NAALADL2: variants seen among roughly 807,000 people sequenced by gnomAD.
The protein encoded by NAALADL2 is N-acetylated alpha-linked acidic dipeptidase like 2.
A neutral mutation model predicts 87.2 loss-of-function variants in NAALADL2; 76 were observed. The ratio of observed to expected loss-of-function variants is 0.87; its 90% CI spans 0.72 to 1.05. The LOEUF is 1.05. NAALADL2 is among the 50% of genes least tolerant of loss of function. The pLI, the probability that NAALADL2 is intolerant of heterozygous loss-of-function variation, is 0.00. For missense variants in NAALADL2, 1,089 were observed against 945.8 expected, an observed-to-expected ratio of 1.15 and a Z score of -1.99; for synonymous variants, 354 against 331.0, an observed-to-expected ratio of 1.07 and a Z score of -0.75.
intron 2 of NAALADL2, among the ~76,000 whole-genome samples, chr3:174,715,375 A>G (rs1731085295): frequency 6.6e-6 from 1 of 152,192 alleles, no homozygotes; most frequent in Admixed American, 6.5e-5. Flanking sequence ...ATGTTTTACC[A>G]GACAGATTAA....
At chr3:174,676,638 T>A (rs559886800) in intron 2 of NAALADL2, among the ~76,000 whole-genome samples, 2 of 152,030 alleles carry the variant, frequency 1.3e-5, no homozygotes, top group Non-Finnish European at 2.9e-5. Flanking sequence ...TAGAATAGAT[T>A]TATGTGAGAC....
chr3:174,672,196 T>G (rs1726616993), intron 2 of NAALADL2, among the ~76,000 whole-genome samples: 1 of 152,076 alleles, frequency 6.6e-6, no homozygotes, highest in African/African-American at 2.4e-5. Flanking sequence ...TTTCCCACAT[T>G]GGGACAATAG....
intron 3 of NAALADL2, among the ~76,000 whole-genome samples, chr3:174,801,168 T>C (rs1040734401): frequency 2.6e-5 from 4 of 152,162 alleles, no homozygotes; most frequent in African/African-American, 4.8e-5. Context: ...TGGGAGGTGC[T>C]GGGGCAGAAT....
chr3:175,347,229 G>A (rs111565106), intron 5 of NAALADL2, among the ~76,000 whole-genome samples: 3 of 152,136 alleles, frequency 2.0e-5, no homozygotes, highest in Non-Finnish European at 4.4e-5. Flanking sequence ...GTCAAGTGGT[G>A]AATTCAGCCA....
chr3:175,026,100 T>C (rs961819899), intron 1 of NAALADL2, among the ~76,000 whole-genome samples: 1 of 152,126 alleles, frequency 6.6e-6, no homozygotes, highest in Admixed American at 6.6e-5. Context: ...CATAAGCCAC[T>C]GTACCTGGCT....
chr3:175,173,415 T>G lies in NAALADL2; in HGVS notation c.546-60516T>G, dbSNP rs186464822. On this transcript the variant is annotated intron_variant, in intron 2 of 13. Coordinates refer to ENST00000454872, the MANE Select transcript of NAALADL2 (RefSeq NM_207015.3). ...TACTCAGGAGGCTGAAGTGGGAGAA[T>G]TGCTTGAGTCTGGGAGGCAGGGGTT... Among the ~76,000 whole-genome samples, 295 of 152,228 alleles carry G rather than the reference T, an allele frequency of 1.9e-3. 1 individual carries two copies. Among genetic ancestry groups the G allele is most frequent in the African/African-American group, 6.8e-3 (283 of 41,556 alleles).
intron 1 of NAALADL2, among the ~76,000 whole-genome samples, chr3:175,085,592 C>A (rs1718724495): frequency 6.6e-6 from 1 of 151,978 alleles, no homozygotes; most frequent in Admixed American, 6.6e-5. Flanking sequence ...AGAGAGAAGA[C>A]AACGGATACA....
At chr3:175,452,952 A>G (rs1721800233) in intron 6 of NAALADL2, among the ~76,000 whole-genome samples, 1 of 152,182 alleles carries the variant, frequency 6.6e-6, no homozygotes, top group Non-Finnish European at 1.5e-5. Context: ...ACATTCACCC[A>G]GAACTTCTCA....
At chr3:175,280,145 AAAGAT>A (rs1754105140) in intron 4 of NAALADL2, among the ~76,000 whole-genome samples, 1 of 152,000 alleles carries the variant, frequency 6.6e-6, no homozygotes, top group Non-Finnish European at 1.5e-5. Flanking sequence ...CTGGAACTGA[AAAGAT>A]AAGGAATTTC....
intron 1 of NAALADL2, among the ~76,000 whole-genome samples, chr3:174,977,455 C>T (rs746938581): frequency 6.6e-6 from 1 of 152,124 alleles, no homozygotes; most frequent in Non-Finnish European, 1.5e-5. Context: ...AGTGACTTCA[C>T]CTTTTTCTGC....
intron 5 of NAALADL2, among the ~76,000 whole-genome samples, chr3:175,386,064 T>G (rs891551054): frequency 1.3e-5 from 2 of 152,046 alleles, no homozygotes; most frequent in Admixed American, 1.3e-4. Flanking sequence ...AAGTTACTCT[T>G]TCTTGGTTGA....
chr3:175,082,158 AC>A (rs1177772755), intron 1 of NAALADL2, among the ~76,000 whole-genome samples: 1 of 152,110 alleles, frequency 6.6e-6, no homozygotes, highest in Non-Finnish European at 1.5e-5. Context: ...GGGGATTCAT[AC>A]CCATTTCTGT....
intron 5 of NAALADL2, among the ~76,000 whole-genome samples, chr3:175,366,773 G>A (rs1185333362): frequency 6.6e-6 from 1 of 151,040 alleles, no homozygotes; most frequent in Non-Finnish European, 1.5e-5. Flanking sequence ...TTTGTCAGAT[G>A]AGTAGGTTGC....
intron 1 of NAALADL2, among the ~76,000 whole-genome samples, chr3:174,944,058 C>T (rs546991968): frequency 5.3e-5 from 8 of 152,200 alleles, no homozygotes; most frequent in East Asian, 1.9e-4. Flanking sequence ...AGGGCTGCTG[C>T]GGTATGCTAG....
intron 12 of NAALADL2, among the ~76,000 whole-genome samples, chr3:175,737,622 A>G (rs1329790310): frequency 6.7e-6 from 1 of 148,900 alleles, no homozygotes; most frequent in African/African-American, 2.5e-5. Flanking sequence ...ATTTTGAAGG[A>G]TGGCCCATCT....
At chr3:175,802,339 A>G (rs942308902) in intron 13 of NAALADL2, among the ~76,000 whole-genome samples, 2 of 150,798 alleles carry the variant, frequency 1.3e-5, no homozygotes, top group African/African-American at 4.9e-5. Context: ...GGGGGGGGAC[A>G]ATTTTGCTCT....
chr3:175,351,300 CTATA>C (rs1763739468), intron 5 of NAALADL2, among the ~76,000 whole-genome samples: 2 of 151,880 alleles, frequency 1.3e-5, no homozygotes, highest in South Asian at 2.1e-4. Context: ...TAAATTGACA[CTATA>C]TATATGTTCA....
intron 9 of NAALADL2, among the ~76,000 whole-genome samples, chr3:175,541,953 A>G (rs1712421170): frequency 6.6e-6 from 1 of 152,072 alleles, no homozygotes; most frequent in South Asian, 2.1e-4. Flanking sequence ...ACTTAGCTTC[A>G]AGTGATCCAC....
At chr3:175,537,952 A>G (rs1490692748) in intron 9 of NAALADL2, among the ~76,000 whole-genome samples, 1 of 152,190 alleles carries the variant, frequency 6.6e-6, no homozygotes, top group Non-Finnish European at 1.5e-5. Context: ...ATAAGAAAAG[A>G]ATTTTAACAA....
Sources: allele counts gnomAD v4.1 joint callset (sites outside exome capture counted in the v4.1 genomes callset), GRCh38; gene constraint gnomAD v4.1.1; transcripts MANE v1.5; gene names NCBI Gene and HGNC (gene_info 2026-07-23, HGNC 2026-07-21).